GRM5: variants seen among roughly 807,000 people sequenced by gnomAD.
GRM5 encodes glutamate metabotropic receptor 5.
In GRM5, 19 loss-of-function variants were observed where a neutral mutation model predicts 83.1. The ratio of observed to expected loss-of-function variants is 0.23; its 90% confidence interval spans 0.16 to 0.34. The LOEUF is 0.34. GRM5 is among the 10% of genes least tolerant of loss of function. GRM5 has a pLI of 1.00. For missense variants in GRM5, 1,160 were observed against 1,588.3 expected, an observed-to-expected ratio of 0.73 and a Z score of 4.58; for synonymous variants, 675 against 633.6, an observed-to-expected ratio of 1.07 and a Z score of -0.98.
At chr11:89,006,818 G>C (rs1182728154) in intron 2 of GRM5, among the ~76,000 whole-genome samples, 2 of 151,764 alleles carry the variant, frequency 1.3e-5, no homozygotes, top group African/African-American at 4.8e-5. Context: ...GTTTTGTTTT[G>C]AGACAGATTC....
At chr11:88,659,245 A>T (rs1414628468) in intron 3 of GRM5, among the ~76,000 whole-genome samples, 2 of 152,182 alleles carry the variant, frequency 1.3e-5, no homozygotes, top group African/African-American at 4.8e-5. Context: ...ATTGGAAAAG[A>T]ACAGGTTTTT....
chr11:89,041,733 T>C (rs1263588995), intron 2 of GRM5, among the ~76,000 whole-genome samples: 1 of 152,182 alleles, frequency 6.6e-6, no homozygotes, highest in African/African-American at 2.4e-5. Flanking sequence ...TATGAAAAAC[T>C]GTTTCTTTAC....
At chr11:88,662,527 ATAAG>A (rs1939934826) in intron 3 of GRM5, among the ~76,000 whole-genome samples, 1 of 152,174 alleles carries the variant, frequency 6.6e-6, no homozygotes, top group Non-Finnish European at 1.5e-5. Flanking sequence ...ACTCATCTAG[ATAAG>A]TGCTTCTCTG....
chr11:88,835,138 G>A (rs1944070413), intron 3 of GRM5, among the ~76,000 whole-genome samples: 1 of 152,168 alleles, frequency 6.6e-6, no homozygotes, highest in South Asian at 2.1e-4. Context: ...AAAAGTTCCA[G>A]GGATATTTAA....
chr11:88,618,074 C>A (rs1411527053), intron 4 of GRM5, among the ~76,000 whole-genome samples: 1 of 152,180 alleles, frequency 6.6e-6, no homozygotes, highest in Non-Finnish European at 1.5e-5. Context: ...TAAAGACTGA[C>A]CACTCAATGA....
intron 2 of GRM5, among the ~76,000 whole-genome samples, chr11:88,951,688 C>G (rs1048064772): frequency 1.1e-4 from 16 of 152,168 alleles, no homozygotes; most frequent in African/African-American, 3.9e-4. Flanking sequence ...AGTTTTCTTT[C>G]TATAAATTGT....
chr11:88,863,301 A>G (rs1189107324), intron 2 of GRM5, among the ~76,000 whole-genome samples: 1 of 152,142 alleles, frequency 6.6e-6, no homozygotes, highest in Non-Finnish European at 1.5e-5. Context: ...TTATAAATAT[A>G]CAAGCATGTG....
At chr11:88,921,307 C>A (rs973166402) in intron 2 of GRM5, among the ~76,000 whole-genome samples, 2 of 152,154 alleles carry the variant, frequency 1.3e-5, no homozygotes, top group Admixed American at 6.5e-5. Context: ...ATTCAGCATT[C>A]TTTTATGGTA....
At chr11:89,017,263 T>G (rs1940881000) in intron 2 of GRM5, among the ~76,000 whole-genome samples, 1 of 152,188 alleles carries the variant, frequency 6.6e-6, no homozygotes, top group African/African-American at 2.4e-5. Flanking sequence ...TCTGTAGCAA[T>G]GCTCAATGAA....
At chr11:88,986,572 A>G (rs1939718113) in intron 2 of GRM5, among the ~76,000 whole-genome samples, 1 of 151,996 alleles carries the variant, frequency 6.6e-6, no homozygotes, top group South Asian at 2.1e-4. Context: ...ACTAAGTTGT[A>G]TGGGTCCCTT....
chr11:88,643,167 G>T (rs1939342469), intron 4 of GRM5, among the ~76,000 whole-genome samples: 1 of 152,098 alleles, frequency 6.6e-6, no homozygotes, highest in South Asian at 2.1e-4. Flanking sequence ...TGCTGGGGAG[G>T]TCTCAGGAAG....
chr11:88,521,683 A>G (rs1941694572), intron 9 of GRM5, among the ~76,000 whole-genome samples: 1 of 152,110 alleles, frequency 6.6e-6, no homozygotes, highest in African/African-American at 2.4e-5. Flanking sequence ...ATATGAAAAG[A>G]TGACAAGTTA....
chr11:88,630,683 A>G (rs984235171), intron 4 of GRM5, among the ~76,000 whole-genome samples: 2 of 151,704 alleles, frequency 1.3e-5, no homozygotes, highest in African/African-American at 4.8e-5. Flanking sequence ...GGTTTAAGCC[A>G]TTCTCCTGCC....
intron 2 of GRM5, among the ~76,000 whole-genome samples, chr11:88,941,195 A>T (rs531999838): frequency 1.3e-5 from 2 of 151,962 alleles, no homozygotes; most frequent in East Asian, 3.9e-4. Flanking sequence ...AAGCACCTTA[A>T]TGTGCCAGAA....
At chr11:88,538,994 C>T (rs1267221921) in intron 8 of GRM5, among the ~76,000 whole-genome samples, 1 of 152,100 alleles carries the variant, frequency 6.6e-6, no homozygotes, top group African/African-American at 2.4e-5. Context: ...TTTTTTTTCC[C>T]CATAATCTCC....
chr11:89,013,005 C>T (rs1315193882), intron 2 of GRM5, among the ~76,000 whole-genome samples: 1 of 152,122 alleles, frequency 6.6e-6, no homozygotes, highest in African/African-American at 2.4e-5. Context: ...AAGATAGCAA[C>T]GGAACATTCA....
intron 3 of GRM5, among the ~76,000 whole-genome samples, chr11:88,736,309 T>A (rs1195196513): frequency 1.3e-5 from 2 of 152,206 alleles, no homozygotes; most frequent in African/African-American, 4.8e-5. Context: ...CTGCGGGATC[T>A]TTGTGTTTTA....
chr11:88,934,330 C>T (rs921972203), intron 2 of GRM5, among the ~76,000 whole-genome samples: 6 of 151,720 alleles, frequency 4.0e-5, no homozygotes, highest in African/African-American at 9.7e-5. Context: ...TCTTATCTTC[C>T]GGATGATAAC....
At chr11:88,862,995 A>G (rs917141821) in intron 2 of GRM5, among the ~76,000 whole-genome samples, 3 of 152,234 alleles carry the variant, frequency 2.0e-5, no homozygotes, top group African/African-American at 7.2e-5. Context: ...TATGCAGCCA[A>G]CAAAGATATG....
Sources: gnomAD v4.1 joint callset for allele counts (sites outside exome capture counted in the v4.1 genomes callset) on GRCh38, gnomAD v4.1.1 for gene constraint, MANE v1.5 for transcripts, NCBI Gene and HGNC (gene_info 2026-07-23, HGNC 2026-07-21) for gene names.